The following DIAPH3 variants were observed in gnomAD, a reference collection of about 807,000 sequenced individuals.
DIAPH3 encodes the protein protein diaphanous homolog 3.
In DIAPH3, 117 loss-of-function variants were observed where a neutral mutation model predicts 144.3. The observed-to-expected ratio is 0.81, with a 90% CI of 0.70 to 0.95. The LOEUF (loss-of-function observed/expected upper bound fraction) is 0.95. DIAPH3 is among the 40% of genes least tolerant of loss of function. DIAPH3 has a pLI of 0.00. For synonymous variants in DIAPH3, 519 were observed against 488.9 expected, an observed-to-expected ratio of 1.06 and a Z score of -0.81; for missense variants, 1,421 against 1,412.7, an observed-to-expected ratio of 1.01 and a Z score of -0.09.
At chr13:60,008,189 C>T (rs900487358) in intron 9 of DIAPH3, among the ~76,000 whole-genome samples, 6 of 151,898 alleles carry the variant, frequency 4.0e-5, no homozygotes, top group Non-Finnish European at 8.8e-5. Flanking sequence ...ATCAGGAGAT[C>T]GAGACCATCC....
chr13:59,705,532 C>T (rs2034370956), intron 27 of DIAPH3, among the ~76,000 whole-genome samples: 1 of 152,136 alleles, frequency 6.6e-6, no homozygotes, highest in African/African-American at 2.4e-5. Flanking sequence ...CATTTCAGAT[C>T]AATGAGAGAA....
intron 27 of DIAPH3, among the ~76,000 whole-genome samples, chr13:59,728,306 A>G (rs1373624959): frequency 6.6e-6 from 1 of 152,080 alleles, no homozygotes; most frequent in Non-Finnish European, 1.5e-5. Flanking sequence ...ACTTCTATAG[A>G]TAATTTTTAT....
intron 15 of DIAPH3, among the ~76,000 whole-genome samples, chr13:59,971,599 A>C (rs2050382545): frequency 6.6e-6 from 1 of 152,222 alleles, no homozygotes; most frequent in Non-Finnish European, 1.5e-5. Flanking sequence ...GTGATAAGTA[A>C]GAAATAAGAT....
intron 5 of DIAPH3, among the ~76,000 whole-genome samples, chr13:60,031,350 C>T (rs1481596333): frequency 6.6e-6 from 1 of 152,154 alleles, no homozygotes; most frequent in Non-Finnish European, 1.5e-5. Context: ...CCAGGCCCCA[C>T]CTCCAGCACT....
chr13:59,866,371 T>C (rs2043925590), intron 21 of DIAPH3, among the ~76,000 whole-genome samples: 1 of 152,060 alleles, frequency 6.6e-6, no homozygotes, highest in African/African-American at 2.4e-5. Flanking sequence ...TTATCCACTA[T>C]AAAATATAGT....
At chr13:59,775,529 A>G (rs1216551101) in intron 25 of DIAPH3, among the ~76,000 whole-genome samples, 4 of 152,224 alleles carry the variant, frequency 2.6e-5, no homozygotes, top group Admixed American at 1.3e-4. Context: ...GGCGTGAGCC[A>G]CTGCACACGG....
intron 3 of DIAPH3, among the ~76,000 whole-genome samples, chr13:60,106,931 T>G (rs1459354148): frequency 6.6e-6 from 1 of 152,078 alleles, no homozygotes; most frequent in Non-Finnish European, 1.5e-5. Flanking sequence ...TTCAAATTCA[T>G]AAAATACAAG....
intron 1 of DIAPH3, among the ~76,000 whole-genome samples, chr13:60,155,322 C>T (rs1340332297): frequency 6.6e-6 from 1 of 152,122 alleles, no homozygotes; most frequent in Non-Finnish European, 1.5e-5. Context: ...CTACCCCCAC[C>T]CCTTTTTACC....
chr13:59,910,661 G>A (rs1566503452), intron 20 of DIAPH3, among the ~76,000 whole-genome samples: 2 of 151,342 alleles, frequency 1.3e-5, no homozygotes, highest in South Asian at 2.1e-4. Context: ...CCTGGGAGGC[G>A]CAGGTTTTGG....
chr13:59,958,032 G>A (rs1038903584), intron 17 of DIAPH3, among the ~76,000 whole-genome samples: 2 of 152,134 alleles, frequency 1.3e-5, no homozygotes, highest in Non-Finnish European at 2.9e-5. Flanking sequence ...TAGAAGAGTG[G>A]ACTGGAAAAT....
chr13:59,892,020 C>T (rs942117921), intron 20 of DIAPH3, among the ~76,000 whole-genome samples: 1 of 151,764 alleles, frequency 6.6e-6, no homozygotes, highest in African/African-American at 2.4e-5. Context: ...AACAAACAAA[C>T]AAGCAACAAC....
intron 25 of DIAPH3, among the ~76,000 whole-genome samples, chr13:59,808,618 T>C (rs1478139090): frequency 6.6e-6 from 1 of 152,120 alleles, no homozygotes. Flanking sequence ...ATTAATCACA[T>C]TGAAAAGTCA....
chr13:60,013,812 C>T (rs1055799074), intron 7 of DIAPH3, among the ~76,000 whole-genome samples: 3 of 152,042 alleles, frequency 2.0e-5, no homozygotes, highest in African/African-American at 7.2e-5. Context: ...ATTAAGACAA[C>T]CATTAACCAA....
At chr13:60,017,598 A>G (rs989262951) in intron 5 of DIAPH3, among the ~76,000 whole-genome samples, 1 of 152,202 alleles carries the variant, frequency 6.6e-6, no homozygotes, top group Admixed American at 6.5e-5. Context: ...CAGCTTCTTC[A>G]TTTGCATATT....
chr13:59,862,692 T>A (rs1566431150), intron 21 of DIAPH3, among the ~76,000 whole-genome samples: 1 of 152,192 alleles, frequency 6.6e-6, no homozygotes, highest in Non-Finnish European at 1.5e-5. Flanking sequence ...CATTTATCTA[T>A]CTATGTATAG....
At position 59,906,118 on chromosome 13, in the gene DIAPH3, C is replaced by G. The variant is rs1333898919; in HGVS notation, c.2367+5617G>C. Among the ~76,000 whole-genome samples the G allele has an allele frequency of 2.6e-5, 4 of 152,198 alleles. No individual in the cohort carries two copies. In the South Asian group the frequency reaches 6.2e-4, roughly 24 times the overall value. On this transcript the variant is annotated intron_variant, in intron 20 of 27. Transcript: ENST00000400324. ...ATGTGCAATACTAATGCACTGCCTT[C>G]AAATACAAAGATGTATACAGAATTA... is the stretch of plus-strand genomic sequence containing the variant.
chr13:59,838,605 C>T (rs1242242662), intron 23 of DIAPH3: 5 of 151,990 alleles, frequency 3.3e-5, no homozygotes, highest in African/African-American at 4.8e-5. Context: ...TAGTTAAACA[C>T]GTTTATGAAG....
At chr13:60,114,233 CAT>C (rs1307997824) in intron 2 of DIAPH3, among the ~76,000 whole-genome samples, 2 of 146,192 alleles carry the variant, frequency 1.4e-5, no homozygotes, top group Non-Finnish European at 3.0e-5. Flanking sequence ...GGACATTACA[CAT>C]GAGATGAATA....
chr13:60,134,483 T>C (rs1053647535), intron 1 of DIAPH3, among the ~76,000 whole-genome samples: 7 of 152,140 alleles, frequency 4.6e-5, no homozygotes, highest in Non-Finnish European at 5.9e-5. Context: ...AACCCAAACG[T>C]AGAGGGCTCT....
Sources: allele counts gnomAD v4.1 joint callset (sites outside exome capture counted in the v4.1 genomes callset), GRCh38; gene constraint gnomAD v4.1.1; transcripts MANE v1.5; gene names NCBI Gene and HGNC (gene_info 2026-07-23, HGNC 2026-07-21).